Variants in MTNAP1 observed in about 807,000 individuals in gnomAD.
MTNAP1 encodes the protein mitochondrial nucleoid-associated protein 1.
At chr17:73,242,954 C>T in the MTNAP1 span, 6 of 1,613,884 alleles carry the variant, frequency 3.7e-6, no homozygotes, top group African/African-American at 1.3e-5. Flanking sequence ...TCACGATGCT[C>T]TTCACAGGAT....
At chr17:73,236,094 C>T in the MTNAP1 span, 1,676 of 1,614,180 alleles carry the variant, frequency 1.0e-3, 3 homozygotes, top group Admixed American at 1.3e-3. Context: ...CTGGTGATCT[C>T]AAATTGGACA....
chr17:73,242,465 G>C, the MTNAP1 span: 2 of 662,654 alleles, frequency 3.0e-6, no homozygotes, highest in South Asian at 4.5e-5. Flanking sequence ...GTTAAAATGT[G>C]TGTTGTCTTC....
chr17:73,233,477 T>C, the MTNAP1 span, among the ~76,000 whole-genome samples: 5 of 152,276 alleles, frequency 3.3e-5, no homozygotes, highest in Admixed American at 3.3e-4. Context: ...ATGGACTGGC[T>C]TCATTTGTGT....
the MTNAP1 span, chr17:73,247,504 A>G: frequency 3.2e-6 from 2 of 619,074 alleles, no homozygotes; most frequent in Non-Finnish European, 5.7e-6. Context: ...ACTGCTATAA[A>G]TAAAGTAGTA....
At chr17:73,235,969 C>T in the MTNAP1 span, 28 of 1,614,034 alleles carry the variant, frequency 1.7e-5, no homozygotes, top group South Asian at 2.4e-4. Flanking sequence ...AGGAGAAAGT[C>T]GATGTAATCC....
the MTNAP1 span, chr17:73,248,438 G>A: frequency 2.0e-6 from 3 of 1,469,022 alleles, no homozygotes; most frequent in Admixed American, 3.9e-5. Flanking sequence ...GGGGGTAAAA[G>A]TCGTGTTCTG....
At chr17:73,240,020 T>A in the MTNAP1 span, among the ~76,000 whole-genome samples, 5 of 152,124 alleles carry the variant, frequency 3.3e-5, no homozygotes, top group African/African-American at 1.2e-4. Flanking sequence ...TCAAGTAGAG[T>A]TTAAAGACCA....
the MTNAP1 span, among the ~76,000 whole-genome samples, chr17:73,233,932 A>C: frequency 6.6e-6 from 1 of 152,172 alleles, no homozygotes; most frequent in African/African-American, 2.4e-5. Flanking sequence ...TGTTGGCAGA[A>C]AACAGTTTTG....
the MTNAP1 span, chr17:73,245,056 T>G: frequency 3.0e-6 from 3 of 984,430 alleles, no homozygotes; most frequent in Non-Finnish European, 4.7e-6. Flanking sequence ...TGCTTAATAC[T>G]CTATTTCTAA....
chr17:73,242,865 G>GT, the MTNAP1 span: 9 of 1,582,350 alleles, frequency 5.7e-6, no homozygotes, highest in South Asian at 6.9e-5. Context: ...TTCAGTTGCT[G>GT]TAACAACAAG....
the MTNAP1 span, chr17:73,236,711 A>C: frequency 5.0e-6 from 8 of 1,614,212 alleles, no homozygotes; most frequent in East Asian, 2.2e-5. Flanking sequence ...CCCGAGGGAC[A>C]GTTATCTCTG....
chr17:73,237,353 T>C, the MTNAP1 span, among the ~76,000 whole-genome samples: 1 of 152,192 alleles, frequency 6.6e-6, no homozygotes, highest in African/African-American at 2.4e-5. Context: ...GGAGATCACC[T>C]GATCCCGGAA....
chr17:73,242,104 A>C, the MTNAP1 span: 1 of 507,748 alleles, frequency 2.0e-6, no homozygotes, highest in South Asian at 3.6e-5. Flanking sequence ...ACTTAGCTGC[A>C]GTCCAATGCA....
At chr17:73,247,697 T>G in the MTNAP1 span, 3 of 179,230 alleles carry the variant, frequency 1.7e-5, no homozygotes, top group Non-Finnish European at 3.5e-5. Flanking sequence ...CCTGTATTAA[T>G]AAGAAGACAG....
At chr17:73,246,832 C>T in the MTNAP1 span, among the ~76,000 whole-genome samples, 2 of 152,162 alleles carry the variant, frequency 1.3e-5, no homozygotes, top group African/African-American at 4.8e-5. Context: ...CTAAGAACTT[C>T]ATTGGAACCC....
chr17:73,235,895 C>T, the MTNAP1 span: 3 of 1,614,114 alleles, frequency 1.9e-6, no homozygotes, highest in Non-Finnish European at 2.5e-6. Context: ...GAAACCAAGG[C>T]TCAGTTTTAC....
At chr17:73,242,337 G>T in the MTNAP1 span, 1 of 1,587,452 alleles carries the variant, frequency 6.3e-7, no homozygotes. Flanking sequence ...AGGCTCTTGG[G>T]AGCTGTACAA....
the MTNAP1 span, chr17:73,242,848 C>T: frequency 6.8e-7 from 1 of 1,477,334 alleles, no homozygotes; most frequent in East Asian, 2.3e-5. Flanking sequence ...CGGATACTGG[C>T]CCTAGTTTCA....
chr17:73,242,749 T>A, the MTNAP1 span: 3 of 621,972 alleles, frequency 4.8e-6, 1 homozygote, highest in South Asian at 6.2e-5. Flanking sequence ...TTCTTTGATG[T>A]TAGCCTTTAT....
Sources: gnomAD v4.1 joint callset for allele counts (sites outside exome capture counted in the v4.1 genomes callset) on GRCh38, gnomAD v4.1.1 for gene constraint, MANE v1.5 for transcripts, NCBI Gene and HGNC (gene_info 2026-07-23, HGNC 2026-07-21) for gene names.